Variants in MVD observed in about 807,000 individuals in gnomAD.
The protein encoded by MVD is mevalonate diphosphate decarboxylase.
A neutral mutation model predicts 42.4 loss-of-function variants in MVD; 52 were observed. The ratio of observed to expected loss-of-function variants is 1.23; its 90% CI spans 0.98 to 1.55. MVD has a LOEUF of 1.55. Ranked by LOEUF, MVD falls within the 40% of genes most tolerant of loss-of-function variation. The pLI is 0.00. For missense variants in MVD, 663 were observed against 572.1 expected, an observed-to-expected ratio of 1.16 and a Z score of -1.62; for synonymous variants, 287 against 243.2, an observed-to-expected ratio of 1.18 and a Z score of -1.68.
intron 8 of MVD, 186 bp from the exon 9 acceptor site, chr16:88,653,594 G>A: frequency 1.8e-6 from 1 of 556,904 alleles, no homozygotes. Context: ...TTAAGGAGGT[G>A]GCTTGAGGTG....
intron 4 of MVD, 92 bp from the exon 5 acceptor site, chr16:88,656,396 G>A (rs766572044): frequency 2.6e-4 from 352 of 1,341,078 alleles, no homozygotes; most frequent in Non-Finnish European, 3.4e-4. Context: ...CACACCCCAC[G>A]GCAAATGGGG....
chr16:88,661,048 C>A, intron 1 of MVD, among the ~76,000 whole-genome samples: 1 of 144,164 alleles, frequency 6.9e-6, no homozygotes. Context: ...AAGAGAAAAT[C>A]CAGAAATAGA....
At chr16:88,656,039 C>A in intron 5 of MVD, 66 bp downstream of exon 5, 1 of 1,523,768 alleles carries the variant, frequency 6.6e-7, no homozygotes, top group Non-Finnish European at 8.8e-7. Context: ...CTCCTGCTCC[C>A]GGCAGCAGCC....
rs539679744 is a variant in MVD at position 88,652,335 on chromosome 16, C to A, written c.*190G>T. On this transcript the variant is annotated 3_prime_UTR_variant, in exon 10 of 10. Transcript: ENST00000301012. ...TGCAGCTTAGGGCAGCTGAAGCACT[C>A]GGCGGGGACCTCTCCTGACACCTGG... 4.6e-6 allele frequency: 3 copies of A among 653,104 alleles called. No homozygotes were observed. The highest frequency in any genetic ancestry group is 1.7e-5 in the South Asian group (1 of 57,282). The allele number at this position is 653,104 out of a possible 1,614,324, so 40.5% of individuals were successfully genotyped here.
rs144010349 is a variant in MVD, at chr16:88,656,226, C to T, written c.482G>A (p.Arg161Gln). ...VARRGSGSAC[R>Q]SLYGGFVEWQ... ...CTCCACAAAGCCCCCATACAGGCTC[C>T]GGCAGGCGCTGCCTGAGCCCCGGCG... Residue 161 changes from arginine (R) to glutamine (Q), a missense_variant, in exon 5 of 10, where the codon CGG becomes CAG. Transcript: ENST00000301012. The T allele has an allele frequency of 5.5e-5, 88 of 1,600,338 alleles. No individual in the cohort carries two copies. Among genetic ancestry groups the T allele is most frequent in the South Asian group, 8.8e-5 (8 of 91,090 alleles).
chr16:88,654,062 G>T lies in MVD; in HGVS notation c.1013+630C>A, dbSNP rs571109168. 3.1e-3 allele frequency among the ~76,000 whole-genome samples: 476 copies of T among 152,240 alleles called. 4 individuals carry two copies. Among genetic ancestry groups the T allele is most frequent in the Non-Finnish European group, 1.3e-3 (88 of 67,992 alleles). ...GAGGGAAGAAATCAACAGCCCCGGG[G>T]CGTAAGGAGGCTGGGCCAAGCTGTG... is the stretch of plus-strand genomic sequence containing the variant. On this transcript the variant is annotated intron_variant, in intron 8 of 9. Coordinates refer to ENST00000301012, the MANE Select transcript of MVD (RefSeq NM_002461.3).
chr16:88,657,697 C>T (rs1597380809), intron 3 of MVD, 115 bp from the exon 4 acceptor site: 14 of 1,458,470 alleles, frequency 9.6e-6, no homozygotes, highest in African/African-American at 4.2e-5. Context: ...CCAGACTCCT[C>T]GTGGAGAGTT....
chr16:88,658,036 A>C lies in MVD; in HGVS notation c.142-7T>G, dbSNP rs977362195. ...CTGTTGTGGTGGTTTTTAACTGAAA[A>C]GGAAACCCAGGGCCACCTCAGAGGC... On this transcript the variant is annotated splice_region_variant and splice_polypyrimidine_tract_variant and intron_variant, in intron 2 of 9. Coordinates refer to ENST00000301012, the MANE Select transcript of MVD (RefSeq NM_002461.3). The C allele has an allele frequency of 1.2e-6, 2 of 1,613,496 alleles. No homozygotes were observed. The highest frequency in any genetic ancestry group is 2.7e-5 in the African/African-American group (2 of 74,912).
intron 8 of MVD, 114 bp from the exon 9 acceptor site, chr16:88,653,522 G>C (rs1597376713): frequency 6.9e-6 from 6 of 865,350 alleles, no homozygotes; most frequent in Non-Finnish European, 1.0e-5. Flanking sequence ...TCAGGGCTCA[G>C]GGAGGGGGAG....
intron 5 of MVD, 30 bp from the exon 6 acceptor site, chr16:88,655,760 A>G (rs1172154366): frequency 6.5e-7 from 1 of 1,548,002 alleles, no homozygotes; most frequent in Admixed American, 2.0e-5. Context: ...CCTGGGCCAC[A>G]CCCTGCAGGG....
At chr16:88,656,076 T>C (rs1476535767) in intron 5 of MVD, 29 bp downstream of exon 5, 7 of 1,559,018 alleles carry the variant, frequency 4.5e-6, no homozygotes, top group African/African-American at 1.3e-5. Context: ...GCCACCGGGC[T>C]GCTGCTCCAC....
At chr16:88,656,480 A>C (rs1597379571) in intron 4 of MVD, 176 bp from the exon 5 acceptor site, 2 of 662,994 alleles carry the variant, frequency 3.0e-6, no homozygotes, top group South Asian at 1.8e-5. Context: ...TCTGTCCCCC[A>C]CCTCCGCTAG....
At position 88,655,412 on chromosome 16, in the gene MVD, C is replaced by A. The variant is rs760722076; in HGVS notation, c.684G>T (p.Arg228=). ...TGCGCGCGGGCACCACGGACTCGGC[C>A]CGGAACTGCAAGGCACAGGGTGTTT... ...SVETSPLLRF[R]AESVVPARMA... The change falls in exon 7 of 10, where the codon CGG becomes CGT. Residue 228 remains arginine (R), a synonymous_variant. Coordinates refer to ENST00000301012, the MANE Select transcript of MVD (RefSeq NM_002461.3). 6.4e-7 allele frequency: 1 copy of A among 1,570,988 alleles called. No individual in the cohort carries two copies.
chr16:88,653,815 G>A (rs536279688), intron 8 of MVD, among the ~76,000 whole-genome samples: 2 of 152,178 alleles, frequency 1.3e-5, no homozygotes, highest in East Asian at 1.9e-4. Flanking sequence ...GCAGAACAGC[G>A]GAAGCCTGCA....
chr16:88,662,849 C>T, intron 1 of MVD, 162 bp downstream of exon 1: 1 of 1,434,600 alleles, frequency 7.0e-7, no homozygotes, highest in Non-Finnish European at 9.1e-7. Flanking sequence ...GAGCGCGCGG[C>T]CCCGCCCGAC....
At chr16:88,655,997 G>A (rs917928908) in intron 5 of MVD, 108 bp downstream of exon 5, 2 of 1,429,448 alleles carry the variant, frequency 1.4e-6, no homozygotes, top group Non-Finnish European at 1.9e-6. Context: ...GCTGACCCCA[G>A]GAGCCAAGCA....
chr16:88,661,898 C>T (rs1349844737), intron 1 of MVD, among the ~76,000 whole-genome samples: 2 of 145,608 alleles, frequency 1.4e-5, no homozygotes. Flanking sequence ...ACACATACAT[C>T]TATATAGGTG....
In MVD at chr16:88,655,252, AG is replaced by A; in HGVS notation, c.843del (p.Trp282GlyfsTer30). ...CGGTGCACCAGGTGGATGATGCGCC[AG>A]GAGATGGCATTGAGGTAAGAGATGG... ...FPPISYLNAI[S>X]WRIIHLVHRF... On this transcript the variant is annotated frameshift_variant, in exon 7 of 10. Transcript: ENST00000301012. 6.3e-7 allele frequency: 1 copy of A among 1,587,564 alleles called. No homozygotes were observed. Among genetic ancestry groups the A allele is most frequent in the South Asian group, 1.1e-5 (1 of 87,018 alleles).
At chr16:88,659,552 G>A (rs982316025) in intron 1 of MVD, among the ~76,000 whole-genome samples, 23 of 152,324 alleles carry the variant, frequency 1.5e-4, no homozygotes, top group Non-Finnish European at 2.8e-4. Flanking sequence ...GTGGGACAGT[G>A]CAGGGGGAGC....
Sources: gnomAD v4.1 joint callset for allele counts (sites outside exome capture counted in the v4.1 genomes callset) on GRCh38, gnomAD v4.1.1 for gene constraint, MANE v1.5 for transcripts, NCBI Gene and HGNC (gene_info 2026-07-23, HGNC 2026-07-21) for gene names.